The following CASK variants were observed in gnomAD, a reference collection of about 807,000 sequenced individuals.
The protein encoded by CASK is calcium/calmodulin dependent serine protein kinase, also known as peripheral plasma membrane protein CASK.
CASK carries 4 observed loss-of-function variants against 82.9 expected under a neutral mutation model. The observed-to-expected ratio is 0.05, with a 90% CI of 0.02 to 0.11. The LOEUF is 0.11. Among genes scored for constraint, CASK ranks in the 10% least tolerant of loss-of-function variants. The pLI is 1.00. For synonymous variants in CASK, 259 were observed against 253.5 expected (o/e 1.02, Z -0.20); for missense variants, 358 against 720.9 (o/e 0.50, Z 5.76).
intron 5 of CASK, among the ~76,000 whole-genome samples, chrX:41,724,880 T>G (rs1246383614): frequency 1.8e-5 from 2 of 112,405 alleles, no homozygotes; most frequent in African/African-American, 6.5e-5. Flanking sequence ...AGGTAGGAGC[T>G]ACTGCTTTTC....
intron 6 of CASK, among the ~76,000 whole-genome samples, chrX:41,667,063 C>T (rs1363521764): frequency 9.0e-6 from 1 of 111,421 alleles, no homozygotes; most frequent in Non-Finnish European, 1.9e-5. Context: ...GGCCAAGCCA[C>T]TCAAAATGGG....
intron 8 of CASK, among the ~76,000 whole-genome samples, chrX:41,646,801 C>T (rs1394652619): frequency 1.8e-5 from 2 of 111,509 alleles, no homozygotes; most frequent in East Asian, 2.8e-4. Context: ...CAATTGTCAT[C>T]TATACACTTG....
intron 3 of CASK, among the ~76,000 whole-genome samples, chrX:41,747,583 C>T (rs973715949): frequency 6.3e-5 from 7 of 111,431 alleles, no homozygotes; most frequent in African/African-American, 2.0e-4. Context: ...GCACTACAGG[C>T]GCCCGCCACC....
At chrX:41,689,072 G>A (rs1398917064) in intron 5 of CASK, 10 of 111,545 alleles carry the variant, frequency 9.0e-5, no homozygotes, top group Admixed American at 2.9e-4. Flanking sequence ...TTTACTTCAG[G>A]CGAACCTGAA....
intron 1 of CASK, among the ~76,000 whole-genome samples, chrX:41,859,599 G>A (rs761571861): frequency 1.8e-5 from 2 of 111,395 alleles, no homozygotes; most frequent in African/African-American, 6.5e-5. Flanking sequence ...TGATTTTGCT[G>A]TTTAATATGG....
chrX:41,527,934 T>C (rs1458797553), intron 25 of CASK, among the ~76,000 whole-genome samples: 1 of 112,515 alleles, frequency 8.9e-6, no homozygotes, highest in African/African-American at 3.2e-5. Flanking sequence ...TAGGTTTGAC[T>C]GAATTACAGA....
chrX:41,827,309 C>G (rs1302108568), intron 2 of CASK, among the ~76,000 whole-genome samples: 1 of 111,558 alleles, frequency 9.0e-6, no homozygotes, highest in East Asian at 2.8e-4. Flanking sequence ...TAACAAAATA[C>G]CATAGACTAG....
At position 41,671,522 on chromosome X, in the gene CASK, A is replaced by G; in HGVS notation, c.438T>C (p.Cys146=). 1 of 1,182,702 alleles carries G rather than the reference A, an allele frequency of 8.5e-7. No individual in the cohort carries two copies. Among genetic ancestry groups the G allele is most frequent in the Non-Finnish European group, 1.2e-6 (1 of 869,174 alleles). ...AGTTTTCTTTTGAGGCAAGGAGAAC[A>G]CAGTGGGGCTGAAAAGAAAAACAGA... ...NIIHRDVKPH[C]VLLASKENSA... The change falls in exon 6 of 27, where the codon TGT becomes TGC. Residue 146 remains cysteine (C), a synonymous_variant. Coordinates refer to ENST00000378163, the MANE Select transcript of CASK (RefSeq NM_001367721.1).
chrX:41,816,738 C>T (rs922504430), intron 2 of CASK, among the ~76,000 whole-genome samples: 1 of 111,355 alleles, frequency 9.0e-6, no homozygotes, highest in East Asian at 2.8e-4. Context: ...AACTCCATGC[C>T]AATAAATTTA....
intron 12 of CASK, among the ~76,000 whole-genome samples, chrX:41,600,527 C>T (rs1192587158): frequency 8.9e-6 from 1 of 112,149 alleles, no homozygotes; most frequent in Non-Finnish European, 1.9e-5. Context: ...ATCATGGTGT[C>T]ATAAAAAGAG....
intron 12 of CASK, chrX:41,589,861 A>G (rs917264416): frequency 3.7e-5 from 12 of 323,291 alleles, no homozygotes; most frequent in Non-Finnish European, 4.4e-5. Context: ...AAAATTCATC[A>G]ATATTTCCTC....
chrX:41,792,952 C>G, intron 2 of CASK, among the ~76,000 whole-genome samples: 1 of 111,372 alleles, frequency 9.0e-6, no homozygotes, highest in Non-Finnish European at 1.9e-5. Context: ...TAATTCTTAT[C>G]CTCTCCTGAT....
chrX:41,907,569 GCTAA>G (rs1333304967), intron 1 of CASK, among the ~76,000 whole-genome samples: 1 of 111,736 alleles, frequency 8.9e-6, no homozygotes, highest in Non-Finnish European at 1.9e-5. Flanking sequence ...ATGTGGGAAG[GCTAA>G]CTTTTAAAAC....
intron 2 of CASK, among the ~76,000 whole-genome samples, chrX:41,813,344 A>C (rs972734193): frequency 9.0e-6 from 1 of 111,451 alleles, no homozygotes; most frequent in Non-Finnish European, 1.9e-5. Context: ...TCAAGCTATA[A>C]TACAAGGCTA....
rs139382308 is a variant in CASK at position 41,822,733 on chromosome X, G to A, written c.172+30382C>T. Among the ~76,000 whole-genome samples the A allele has an allele frequency of 2.4e-3, 259 of 109,492 alleles. 1 individual carries two copies. The highest frequency in any genetic ancestry group is 8.2e-3 in the African/African-American group (246 of 29,982). On this transcript the variant is annotated intron_variant, in intron 2 of 26. Coordinates refer to ENST00000378163, the MANE Select transcript of CASK (RefSeq NM_001367721.1). ...CTTACCATACTATTGTCCCTCTTAC[G>A]GTGATGTCGTGAAAACTATTGTGAC...
chrX:41,862,408 G>A (rs1458436189), intron 1 of CASK, among the ~76,000 whole-genome samples: 1 of 109,840 alleles, frequency 9.1e-6, no homozygotes, highest in Non-Finnish European at 1.9e-5. Flanking sequence ...AGGCATGGTG[G>A]TGCATGCCTG....
rs185803461 is a variant in CASK, at chrX:41,893,130, G to A, written c.59+29800C>T. Among the ~76,000 whole-genome samples the A allele has an allele frequency of 6.2e-5, 7 of 112,238 alleles. No homozygotes were observed. In the East Asian group the frequency reaches 2.0e-3, roughly 32 times the overall value. On this transcript the variant is annotated intron_variant, in intron 1 of 26. Coordinates refer to ENST00000378163, the MANE Select transcript of CASK (RefSeq NM_001367721.1). ...CACATTGAAAACCTAAGGCAGAGGTGGGGGGCAGGACTTCTGGAATGGCGG... is the reference window on the plus strand; with the variant it reads ...CACATTGAAAACCTAAGGCAGAGGTAGGGGGCAGGACTTCTGGAATGGCGG...
intron 5 of CASK, among the ~76,000 whole-genome samples, chrX:41,705,581 A>G (rs2067872226): frequency 9.0e-6 from 1 of 111,058 alleles, no homozygotes; most frequent in South Asian, 3.8e-4. Flanking sequence ...GTTAATACAT[A>G]TCTGATTCTT....
At chrX:41,842,960 T>C (rs2071075786) in intron 2 of CASK, among the ~76,000 whole-genome samples, 1 of 112,144 alleles carries the variant, frequency 8.9e-6, no homozygotes, top group Non-Finnish European at 1.9e-5. Flanking sequence ...AACTTCATTT[T>C]TAGATTTTTC....
Sources: gnomAD v4.1 joint callset for allele counts (sites outside exome capture counted in the v4.1 genomes callset) on GRCh38, gnomAD v4.1.1 for gene constraint, MANE v1.5 for transcripts, NCBI Gene and HGNC (gene_info 2026-07-23, HGNC 2026-07-21) for gene names.